Variants in GARNL3 observed in about 807,000 individuals in gnomAD.
The protein encoded by GARNL3 is GTPase activating Rap/RanGAP domain like 3.
Under a neutral mutation model 125.0 loss-of-function variants are expected in GARNL3, and 63 were observed. The ratio of observed to expected loss-of-function variants is 0.50; its 90% CI spans 0.41 to 0.62. The LOEUF (loss-of-function observed/expected upper bound fraction) is 0.62, where lower values mean the gene tolerates loss of function less well. Ranked by LOEUF, GARNL3 falls within the 20% of genes least tolerant of loss-of-function variation. The pLI, the probability that GARNL3 is intolerant of heterozygous loss-of-function variation, is 0.00. For synonymous variants in GARNL3, 439 were observed against 457.5 expected, an observed-to-expected ratio of 0.96 and a Z score of 0.52; for missense variants, 994 against 1,244.0, an observed-to-expected ratio of 0.80 and a Z score of 3.02.
chr9:127,237,471 G>A (rs1290728675), intron 1 of GARNL3, among the ~76,000 whole-genome samples: 1 of 152,216 alleles, frequency 6.6e-6, no homozygotes, highest in East Asian at 1.9e-4. Flanking sequence ...AAGGAGTTGA[G>A]AACATTTAAG....
intron 22 of GARNL3, among the ~76,000 whole-genome samples, chr9:127,379,723 A>G (rs1190284083): frequency 2.0e-5 from 3 of 152,256 alleles, no homozygotes; most frequent in African/African-American, 4.8e-5. Context: ...CTGAAGTGCC[A>G]TACAGTGAGT....
chr9:127,276,504 A>G (rs1400680877), intron 1 of GARNL3, among the ~76,000 whole-genome samples: 1 of 152,096 alleles, frequency 6.6e-6, no homozygotes, highest in East Asian at 1.9e-4. Flanking sequence ...CTGTCTTAAA[A>G]TTGGTGACTC....
intron 1 of GARNL3, among the ~76,000 whole-genome samples, chr9:127,267,084 G>A (rs374119545): frequency 6.6e-6 from 1 of 152,128 alleles, no homozygotes; most frequent in African/African-American, 2.4e-5. Flanking sequence ...GATATTGCTG[G>A]TCCCAGGATC....
intron 2 of GARNL3, among the ~76,000 whole-genome samples, chr9:127,256,387 C>T (rs927825586): frequency 7.9e-5 from 12 of 152,130 alleles, no homozygotes; most frequent in African/African-American, 9.7e-5. Context: ...CACCCACACC[C>T]GAAGACTGCA....
At chr9:127,389,185 G>A in intron 26 of GARNL3, 66 bp downstream of exon 26, 1 of 1,166,056 alleles carries the variant, frequency 8.6e-7, no homozygotes, top group Non-Finnish European at 1.3e-6. Context: ...CTTTGGATAT[G>A]AATTGTCCTC....
At chr9:127,373,482 C>G (rs577856691) in intron 22 of GARNL3, among the ~76,000 whole-genome samples, 1 of 152,338 alleles carries the variant, frequency 6.6e-6, no homozygotes, top group African/African-American at 2.4e-5. Context: ...AAGATAAAAT[C>G]AGCCGGGTCC....
At chr9:127,313,349 G>A in intron 3 of GARNL3, 92 bp from the exon 4 acceptor site, 1 of 865,514 alleles carries the variant, frequency 1.2e-6, no homozygotes, top group Non-Finnish European at 2.0e-6. Context: ...CTGAGCATGT[G>A]GGAAGGGCTG....
At chr9:127,292,604 C>T (rs930875775) in intron 2 of GARNL3, among the ~76,000 whole-genome samples, 2 of 152,264 alleles carry the variant, frequency 1.3e-5, no homozygotes, top group Non-Finnish European at 2.9e-5. Flanking sequence ...CCAAACTGGA[C>T]TTTGCCACCC....
intron 25 of GARNL3, 86 bp downstream of exon 25, chr9:127,387,417 C>A: frequency 7.9e-7 from 1 of 1,266,476 alleles, no homozygotes; most frequent in Non-Finnish European, 1.1e-6. Flanking sequence ...CATGTGATTA[C>A]TGTTTAAAGA....
chr9:127,322,103 T>G (rs2065423618), intron 6 of GARNL3, among the ~76,000 whole-genome samples: 1 of 152,188 alleles, frequency 6.6e-6, no homozygotes, highest in Non-Finnish European at 1.5e-5. Context: ...GTAAGCGACT[T>G]TAAGCCATCC....
intron 21 of GARNL3, among the ~76,000 whole-genome samples, 195 bp downstream of exon 21, chr9:127,357,572 A>T (rs1015962375): frequency 1.3e-5 from 2 of 152,194 alleles, no homozygotes; most frequent in Admixed American, 1.3e-4. Context: ...TCTATCTATT[A>T]TCATGTGACT....
intron 7 of GARNL3, among the ~76,000 whole-genome samples, chr9:127,329,439 C>G (rs1462935175): frequency 6.6e-6 from 1 of 152,174 alleles, no homozygotes; most frequent in Non-Finnish European, 1.5e-5. Context: ...AGACCCCCAT[C>G]ATGCAACCCT....
At chr9:127,342,415 C>T in intron 14 of GARNL3, 81 bp downstream of exon 14, 1 of 942,428 alleles carries the variant, frequency 1.1e-6, no homozygotes, top group Non-Finnish European at 1.7e-6. Flanking sequence ...CGATGAGGCC[C>T]TGGTGAGAAA....
chr9:127,245,282 GGCC>G (rs2063280373), intron 2 of GARNL3: 1 of 152,304 alleles, frequency 6.6e-6, no homozygotes, highest in Admixed American at 6.5e-5. Flanking sequence ...CACCCCGAGG[GGCC>G]GCCTTCCGGC....
At chr9:127,344,840 C>T (rs1438019220) in intron 15 of GARNL3, among the ~76,000 whole-genome samples, 1 of 152,150 alleles carries the variant, frequency 6.6e-6, no homozygotes, top group Non-Finnish European at 1.5e-5. Context: ...AAAATCACTC[C>T]CTTTGCCCCG....
intron 19 of GARNL3, 34 bp downstream of exon 19, chr9:127,354,444 C>G (rs765101061): frequency 1.6e-6 from 2 of 1,276,380 alleles, no homozygotes; most frequent in Non-Finnish European, 1.1e-6. Flanking sequence ...CCATTCGATT[C>G]GTTTTTTTTT....
intron 22 of GARNL3, among the ~76,000 whole-genome samples, chr9:127,382,091 A>T (rs547688577): frequency 6.6e-6 from 1 of 152,106 alleles, no homozygotes; most frequent in African/African-American, 2.4e-5. Context: ...ACTTGAGGTC[A>T]GGAGTTCGAC....
chr9:127,228,471 A>G (rs1230573199), intron 1 of GARNL3, among the ~76,000 whole-genome samples: 1 of 152,204 alleles, frequency 6.6e-6, no homozygotes, highest in African/African-American at 2.4e-5. Flanking sequence ...AGGCATTATC[A>G]TTTATAAATA....
Position 127,354,295 on chromosome 9 carries a change from A to G in GARNL3, c.1644A>G (p.Gly548=), listed in dbSNP as rs771352195. 1.2e-6 allele frequency: 2 copies of G among 1,608,578 alleles called. No individual in the cohort carries two copies. Among genetic ancestry groups the G allele is most frequent in the Admixed American group, 1.7e-5 (1 of 59,470 alleles). The change falls in exon 19 of 28, where the codon GGA becomes GGG. Residue 548 remains glycine (G), a splice_region_variant and synonymous_variant. Transcript: ENST00000373387. ...CCTCTGTCTTTTTTATGTCACCAGG[A>G]AAAGATGCTCGCCTCTTTGTCTTCA... The part of the protein sequence containing the change: ...LDLLVLRADK[G]KDARLFVFRL...
Sources: allele counts gnomAD v4.1 joint callset (sites outside exome capture counted in the v4.1 genomes callset), GRCh38; gene constraint gnomAD v4.1.1; transcripts MANE v1.5; gene names NCBI Gene and HGNC (gene_info 2026-07-23, HGNC 2026-07-21).